AXDND1: variants seen among roughly 807,000 people sequenced by gnomAD.
The protein encoded by AXDND1 is axonemal dynein light chain domain containing 1, also known as axonemal dynein light chain domain-containing protein 1.
Under a neutral mutation model 137.5 loss-of-function variants are expected in AXDND1, and 110 were observed. That is an observed-to-expected ratio of 0.80 (90% CI 0.69 to 0.94). The LOEUF is 0.94. Among genes scored for constraint, AXDND1 ranks in the 40% least tolerant of loss-of-function variants. The pLI is 0.00. For synonymous variants in AXDND1, 414 were observed against 399.7 expected, an observed-to-expected ratio of 1.04 and a Z score of -0.43; for missense variants, 1,191 against 1,169.8, an observed-to-expected ratio of 1.02 and a Z score of -0.26.
At position 179,483,362 on chromosome 1, in the gene AXDND1, A is replaced by G. The variant is rs571059391; in HGVS notation, c.2091+141A>G. 1.8e-4 allele frequency: 91 copies of G among 510,092 alleles called. No individual in the cohort carries two copies. In the South Asian group the frequency reaches 3.3e-3, roughly 19 times the overall value. 31.6% of individuals were successfully genotyped at this position (510,092 alleles called of 1,614,324 possible). A position where few individuals can be genotyped will look rare whatever the true frequency, so the allele number is the denominator to read the frequency against. ...AAGCTTGTATAATAATTTCTCAAAT[A>G]ATTTTCAATGGATTTTTTAAAGCAG... On this transcript the variant is annotated intron_variant, in intron 18 of 25. Coordinates refer to ENST00000367618, the MANE Select transcript of AXDND1 (RefSeq NM_144696.6).
intron 18 of AXDND1, among the ~76,000 whole-genome samples, chr1:179,486,050 C>T (rs1055875984): frequency 2.9e-5 from 4 of 138,114 alleles, no homozygotes; most frequent in Admixed American, 8.3e-5. Context: ...ACTTGGGAGG[C>T]GGAGGTTGCA....
intron 25 of AXDND1, among the ~76,000 whole-genome samples, chr1:179,552,867 A>G (rs1000064232): frequency 6.6e-6 from 1 of 152,218 alleles, no homozygotes; most frequent in Admixed American, 6.5e-5. Context: ...GATGCCTCAA[A>G]TGCAGTTTTG....
At chr1:179,534,141 T>C (rs1391703128) in intron 24 of AXDND1, among the ~76,000 whole-genome samples, 1 of 152,210 alleles carries the variant, frequency 6.6e-6, no homozygotes, top group East Asian at 1.9e-4. Context: ...TCCAGTTCAA[T>C]GTTTGTTTCT....
intron 16 of AXDND1, chr1:179,447,600 T>A: frequency 7.1e-6 from 8 of 1,128,686 alleles, no homozygotes; most frequent in Admixed American, 2.4e-5. Context: ...AACTTACTAG[T>A]GGAGGTGTCA....
At chr1:179,488,360 T>C (rs1666321397) in intron 18 of AXDND1, among the ~76,000 whole-genome samples, 1 of 148,580 alleles carries the variant, frequency 6.7e-6, no homozygotes, top group Admixed American at 6.6e-5. Flanking sequence ...AAGTTTCTTT[T>C]GCTCATTGTT....
At chr1:179,399,271 C>T (rs574655894) in intron 11 of AXDND1, among the ~76,000 whole-genome samples, 3 of 152,174 alleles carry the variant, frequency 2.0e-5, no homozygotes, top group African/African-American at 7.2e-5. Flanking sequence ...CGAAATAAAC[C>T]CAAATACTTA....
chr1:179,551,996 G>A (rs913043560), intron 25 of AXDND1: 1 of 167,994 alleles, frequency 6.0e-6, no homozygotes, highest in African/African-American at 2.4e-5. Context: ...TACTGGTTCA[G>A]GTTTTTATCT....
intron 24 of AXDND1, 149 bp from the exon 25 acceptor site, chr1:179,534,581 C>G: frequency 2.1e-6 from 2 of 973,978 alleles, no homozygotes; most frequent in Non-Finnish European, 1.4e-6. Flanking sequence ...GCCCCCAGTT[C>G]TCAGTTAATC....
chr1:179,456,688 G>C, intron 16 of AXDND1: 1 of 796,436 alleles, frequency 1.3e-6, no homozygotes, highest in African/African-American at 1.7e-5. Context: ...TTTCCTCCGT[G>C]ACCAAAGTTG....
At chr1:179,460,664 C>T (rs1350688491) in intron 16 of AXDND1, among the ~76,000 whole-genome samples, 1 of 152,210 alleles carries the variant, frequency 6.6e-6, no homozygotes, top group African/African-American at 2.4e-5. Flanking sequence ...ACAGTCCCAA[C>T]AACAGTGTAA....
At chr1:179,378,576 G>C in intron 4 of AXDND1, 61 bp from the exon 5 acceptor site, 3 of 1,326,338 alleles carry the variant, frequency 2.3e-6, no homozygotes, top group Non-Finnish European at 3.1e-6. Flanking sequence ...GATCTCACCT[G>C]CTGTTATGTG....
Position 179,430,466 on chromosome 1 carries a change from T to C in AXDND1, c.1347T>C (p.Leu449=), listed in dbSNP as rs920001538. Residue 449 remains leucine, a synonymous_variant, in exon 14 of 26, where the codon CTT becomes CTC. Transcript: ENST00000367618. ...ATTTTATATAGGACACTGAAGACCT[T>C]GCACTGTTGCAGAAGTTGACACAAA... ...ILLSNKDTED[L]ALLQKLTQKW... is the part of the protein sequence containing the mutation. 1 of 1,613,052 alleles carries C rather than the reference T, an allele frequency of 6.2e-7. No individual in the cohort carries two copies. The highest frequency in any genetic ancestry group is 1.7e-5 in the Admixed American group (1 of 59,844).
intron 20 of AXDND1, among the ~76,000 whole-genome samples, chr1:179,497,346 T>C (rs976347223): frequency 6.6e-6 from 1 of 152,170 alleles, no homozygotes; most frequent in African/African-American, 2.4e-5. Context: ...TTTGAAGCTA[T>C]GTTATTAGGT....
At chr1:179,437,898 T>A (rs983734399) in intron 15 of AXDND1, among the ~76,000 whole-genome samples, 1 of 152,156 alleles carries the variant, frequency 6.6e-6, no homozygotes, top group Non-Finnish European at 1.5e-5. Context: ...ATGCCTGTAA[T>A]CCCAGCACTT....
chr1:179,487,995 C>CAAAAAAAAA (rs71114524), intron 18 of AXDND1, among the ~76,000 whole-genome samples: 1 of 101,524 alleles, frequency 9.8e-6, no homozygotes, highest in African/African-American at 4.5e-5. Context: ...GACCATGTCT[C>CAAAAAAAAA]AAAAAAAAAA....
chr1:179,478,213 G>A (rs546900299), intron 17 of AXDND1, among the ~76,000 whole-genome samples: 161 of 152,290 alleles, frequency 1.1e-3, no homozygotes, highest in Non-Finnish European at 1.8e-3. Context: ...GACAGTGGCC[G>A]TTTTCTCACA....
rs541014773 is a variant in AXDND1 at position 179,485,148 on chromosome 1, A to G, written c.2091+1927A>G. ...TGCACTGCCACCACTGCAAATGTCC[A>G]CATCCCTGCCCTCATTAGTGCCCCA... is the stretch of plus-strand genomic sequence containing the variant. On this transcript the variant is annotated intron_variant, in intron 18 of 25. Coordinates refer to ENST00000367618, the MANE Select transcript of AXDND1 (RefSeq NM_144696.6). Among the ~76,000 whole-genome samples, 11 of 152,312 alleles carry G rather than the reference A, an allele frequency of 7.2e-5. No individual in the cohort carries two copies. The East Asian group carries it at 2.1e-3, about 29-fold the overall frequency.
chr1:179,412,551 T>C (rs769983296), intron 12 of AXDND1, among the ~76,000 whole-genome samples: 8 of 152,078 alleles, frequency 5.3e-5, no homozygotes, highest in Non-Finnish European at 7.3e-5. Context: ...GAGAGAAAGC[T>C]AATATACTAG....
chr1:179,487,344 T>C (rs1173534510), intron 18 of AXDND1, among the ~76,000 whole-genome samples: 1 of 148,496 alleles, frequency 6.7e-6, no homozygotes, highest in Non-Finnish European at 1.5e-5. Flanking sequence ...AAAAAGTCTT[T>C]GAGCAAGCCT....
Sources: gnomAD v4.1 joint callset for allele counts (sites outside exome capture counted in the v4.1 genomes callset) on GRCh38, gnomAD v4.1.1 for gene constraint, MANE v1.5 for transcripts, NCBI Gene and HGNC (gene_info 2026-07-23, HGNC 2026-07-21) for gene names.